The following TAMM41 variants were observed in gnomAD, a reference collection of about 807,000 sequenced individuals.
TAMM41 encodes the protein TAM41 mitochondrial translocator assembly and maintenance homolog, also known as phosphatidate cytidylyltransferase, mitochondrial.
TAMM41 carries 36 observed loss-of-function variants against 44.1 expected under a neutral mutation model. The observed-to-expected ratio is 0.82, with a 90% CI of 0.63 to 1.08. The LOEUF (loss-of-function observed/expected upper bound fraction) is 1.08, where lower values mean the gene tolerates loss of function less well. Among genes scored for constraint, TAMM41 ranks in the 50% least tolerant of loss-of-function variants. The pLI, the probability that TAMM41 is intolerant of heterozygous loss-of-function variation, is 0.00. For missense variants in TAMM41, 417 were observed against 404.3 expected (o/e 1.03, Z -0.27); for synonymous variants, 164 against 153.1 (o/e 1.07, Z -0.53).
chr3:11,805,737 C>T (rs1035797428), intron 7 of TAMM41, among the ~76,000 whole-genome samples: 4 of 152,206 alleles, frequency 2.6e-5, no homozygotes, highest in African/African-American at 9.7e-5. Flanking sequence ...AGATCACTCC[C>T]CTTTTTGGGC....
chr3:11,825,376 A>C (rs2078706125), intron 4 of TAMM41, among the ~76,000 whole-genome samples: 2 of 152,224 alleles, frequency 1.3e-5, no homozygotes, highest in Admixed American at 1.3e-4. Context: ...TGAGGCACAG[A>C]GAAGCAGGCT....
chr3:11,752,957 T>A, the TAMM41 span, among the ~76,000 whole-genome samples: 1 of 151,766 alleles, frequency 6.6e-6, no homozygotes, highest in Non-Finnish European at 1.5e-5. Flanking sequence ...GCCTGGCCCA[T>A]ATGAAGCTTA....
chr3:11,786,878 G>C (rs950710150), downstream of TAMM41, among the ~76,000 whole-genome samples: 1 of 152,202 alleles, frequency 6.6e-6, no homozygotes, highest in Non-Finnish European at 1.5e-5. Context: ...ACACGTGTGA[G>C]CCACCACGCC....
chr3:11,804,036 GA>G (rs2077830849), intron 7 of TAMM41, among the ~76,000 whole-genome samples: 3 of 152,148 alleles, frequency 2.0e-5, no homozygotes, highest in Admixed American at 2.0e-4. Context: ...CACCATGTAA[GA>G]AAAATGCACT....
intron 7 of TAMM41, among the ~76,000 whole-genome samples, chr3:11,792,656 T>G (rs910980623): frequency 1.3e-5 from 2 of 152,174 alleles, no homozygotes; most frequent in African/African-American, 4.8e-5. Context: ...ATTTCATGAT[T>G]TTGGAATAGG....
chr3:11,756,287 T>C, the TAMM41 span, among the ~76,000 whole-genome samples: 1 of 152,204 alleles, frequency 6.6e-6, no homozygotes, highest in Non-Finnish European at 1.5e-5. Flanking sequence ...TCCTTTTCCA[T>C]GACCACTCTT....
intron 4 of TAMM41, among the ~76,000 whole-genome samples, chr3:11,819,971 G>T (rs1344696319): frequency 2.0e-5 from 3 of 151,978 alleles, no homozygotes; most frequent in African/African-American, 2.4e-5. Flanking sequence ...ACATGCCCCA[G>T]GTCCAACTGC....
At chr3:11,762,386 G>A in the TAMM41 span, among the ~76,000 whole-genome samples, 2 of 151,880 alleles carry the variant, frequency 1.3e-5, no homozygotes, top group Non-Finnish European at 2.9e-5. Context: ...CAAAGCCATG[G>A]GTCAAGTGGC....
chr3:11,724,227 C>T, the TAMM41 span, among the ~76,000 whole-genome samples: 1 of 151,054 alleles, frequency 6.6e-6, no homozygotes, highest in African/African-American at 2.4e-5. Context: ...CCTCAGCCTC[C>T]TGAGTAGCTG....
intron 7 of TAMM41, chr3:11,807,178 C>T: frequency 7.3e-7 from 1 of 1,373,354 alleles, no homozygotes; most frequent in Non-Finnish European, 9.3e-7. Flanking sequence ...AGACACTCTC[C>T]ATGAGAGAAG....
At chr3:11,769,246 C>T in the TAMM41 span, among the ~76,000 whole-genome samples, 6 of 152,146 alleles carry the variant, frequency 3.9e-5, no homozygotes, top group South Asian at 2.1e-4. Flanking sequence ...TGTGCCACCA[C>T]GCACAGCTAA....
the TAMM41 span, among the ~76,000 whole-genome samples, chr3:11,775,216 G>C: frequency 1.4e-3 from 14 of 10,226 alleles, no homozygotes; most frequent in Non-Finnish European, 1.7e-3. Context: ...TTTTTGGTTG[G>C]GGGACACACA....
intron 7 of TAMM41, chr3:11,807,451 A>G (rs573288886): frequency 4.6e-5 from 64 of 1,389,270 alleles, no homozygotes; most frequent in Admixed American, 3.8e-4. Flanking sequence ...AAAATAACCC[A>G]CTAAGACAGA....
intron 4 of TAMM41, among the ~76,000 whole-genome samples, chr3:11,827,570 A>G (rs1313588217): frequency 3.3e-5 from 5 of 150,162 alleles, no homozygotes; most frequent in Non-Finnish European, 5.9e-5. Context: ...TGGCCTCTCA[A>G]ATTGCTGGGA....
At chr3:11,739,856 C>T in the TAMM41 span, among the ~76,000 whole-genome samples, 7 of 152,164 alleles carry the variant, frequency 4.6e-5, no homozygotes, top group Admixed American at 1.3e-4. Flanking sequence ...TTCTTTCCCC[C>T]GGCTTCCAAC....
intron 3 of TAMM41, among the ~76,000 whole-genome samples, chr3:11,834,491 C>G (rs189571288): frequency 7.9e-5 from 12 of 152,064 alleles, no homozygotes; most frequent in African/African-American, 2.9e-4. Flanking sequence ...AAAGTTTGGT[C>G]ACAATGCTAT....
intron 7 of TAMM41, among the ~76,000 whole-genome samples, chr3:11,797,595 A>G (rs960555132): frequency 2.0e-5 from 3 of 152,222 alleles, no homozygotes; most frequent in African/African-American, 7.2e-5. Context: ...ATTTCCTGAC[A>G]AAGATGCCAA....
At chr3:11,772,025 C>T in the TAMM41 span, among the ~76,000 whole-genome samples, 1 of 152,116 alleles carries the variant, frequency 6.6e-6, no homozygotes, top group African/African-American at 2.4e-5. Flanking sequence ...TTCCAACCCT[C>T]ACCCCCTCCC....
the TAMM41 span, among the ~76,000 whole-genome samples, chr3:11,766,954 A>C: frequency 6.6e-6 from 1 of 152,208 alleles, no homozygotes; most frequent in Non-Finnish European, 1.5e-5. Context: ...GAGTGATCCC[A>C]TGTAACCTTT....
Sources: allele counts gnomAD v4.1 joint callset (sites outside exome capture counted in the v4.1 genomes callset), GRCh38; gene constraint gnomAD v4.1.1; transcripts MANE v1.5; gene names NCBI Gene and HGNC (gene_info 2026-07-23, HGNC 2026-07-21).